The following IFT57 variants were observed in gnomAD, a reference collection of about 807,000 sequenced individuals.
IFT57 encodes intraflagellar transport 57.
IFT57 carries 59 observed loss-of-function variants against 56.8 expected under a neutral mutation model. The observed-to-expected ratio is 1.04, with a 90% CI of 0.84 to 1.29. The LOEUF (loss-of-function observed/expected upper bound fraction) is 1.29, where lower values mean the gene tolerates loss of function less well. Ranked by LOEUF, IFT57 falls within the 50% of genes most tolerant of loss-of-function variation. The pLI is 0.00. For synonymous variants in IFT57, 209 were observed against 186.1 expected, an observed-to-expected ratio of 1.12 and a Z score of -1.00; for missense variants, 470 against 522.1, an observed-to-expected ratio of 0.90 and a Z score of 0.97.
At chr3:108,212,008 G>A (rs1236187124) in intron 4 of IFT57, among the ~76,000 whole-genome samples, 3 of 151,990 alleles carry the variant, frequency 2.0e-5, no homozygotes, top group African/African-American at 7.3e-5. Flanking sequence ...GTAGAGACAG[G>A]GTCTTGCTCT....
At chr3:108,194,543 G>A (rs1309543862) in intron 5 of IFT57, among the ~76,000 whole-genome samples, 1 of 152,084 alleles carries the variant, frequency 6.6e-6, no homozygotes, top group South Asian at 2.1e-4. Context: ...GCAATCCTGA[G>A]CAAAAAGAAC....
intron 6 of IFT57, among the ~76,000 whole-genome samples, chr3:108,184,569 C>T (rs1024518367): frequency 2.0e-5 from 3 of 151,970 alleles, no homozygotes; most frequent in Non-Finnish European, 4.4e-5. Flanking sequence ...TGCACACAAA[C>T]ACAGACTGTA....
chr3:108,221,248 A>G (rs1003990191), intron 1 of IFT57, among the ~76,000 whole-genome samples: 5 of 152,236 alleles, frequency 3.3e-5, no homozygotes, highest in African/African-American at 1.2e-4. Flanking sequence ...AGTACTATAG[A>G]TTCTTAATAC....
chr3:108,206,051 ATAT>A (rs1560122569), intron 5 of IFT57, among the ~76,000 whole-genome samples: 1 of 120,640 alleles, frequency 8.3e-6, no homozygotes, highest in Admixed American at 9.9e-5. Flanking sequence ...TATATATTAT[ATAT>A]TATTTATATA....
intron 5 of IFT57, among the ~76,000 whole-genome samples, chr3:108,192,204 A>C (rs922021160): frequency 6.7e-6 from 1 of 149,368 alleles, no homozygotes; most frequent in Admixed American, 6.7e-5. Context: ...AAAGGGAAAC[A>C]CTTAAATTTA....
At chr3:108,174,839 A>G (rs992075666) in intron 6 of IFT57, among the ~76,000 whole-genome samples, 11 of 151,892 alleles carry the variant, frequency 7.2e-5, no homozygotes, top group African/African-American at 2.7e-4. Flanking sequence ...ATCTAGCTGG[A>G]GCAGAGGTGC....
chr3:108,204,486 C>A (rs142702551), intron 5 of IFT57, among the ~76,000 whole-genome samples: 317 of 152,276 alleles, frequency 2.1e-3, no homozygotes, highest in African/African-American at 6.9e-3. Context: ...TCTCAGTACT[C>A]AAACTACTTT....
At chr3:108,208,865 A>G (rs1312788227) in intron 4 of IFT57, among the ~76,000 whole-genome samples, 1 of 152,224 alleles carries the variant, frequency 6.6e-6, no homozygotes, top group Non-Finnish European at 1.5e-5. Flanking sequence ...AATGGAAGGA[A>G]GAGTATTCTA....
At chr3:108,165,396 CA>C in intron 9 of IFT57, 34 bp downstream of exon 9, 1 of 1,569,878 alleles carries the variant, frequency 6.4e-7, no homozygotes, top group Middle Eastern at 1.7e-4. Flanking sequence ...GCCCAGCTGA[CA>C]GGTGAGAAGC....
chr3:108,213,210 CAG>C (rs2080352564), intron 4 of IFT57, among the ~76,000 whole-genome samples: 2 of 151,992 alleles, frequency 1.3e-5, no homozygotes, highest in Non-Finnish European at 2.9e-5. Flanking sequence ...TTTGGGAGTC[CAG>C]AGTTATATGT....
intron 5 of IFT57, among the ~76,000 whole-genome samples, chr3:108,194,616 A>C (rs777221881): frequency 2.4e-4 from 37 of 152,236 alleles, no homozygotes; most frequent in Non-Finnish European, 5.1e-4. Flanking sequence ...TAACTAAAAC[A>C]GCATGGTTCT....
chr3:108,219,600 C>T (rs550669397), intron 1 of IFT57, 28 bp from the exon 2 acceptor site: 32 of 1,605,578 alleles, frequency 2.0e-5, no homozygotes, highest in South Asian at 5.5e-5. Context: ...GGAATGGGGG[C>T]GGATGTGAAA....
chr3:108,189,077 C>T (rs9816413), intron 6 of IFT57, among the ~76,000 whole-genome samples: 14,637 of 152,050 alleles, frequency 0.096, 764 homozygotes, highest in Middle Eastern at 0.12. Flanking sequence ...TCTGACAAAA[C>T]CAAAAAATCA....
At chr3:108,180,295 C>T (rs1335191923) in intron 6 of IFT57, among the ~76,000 whole-genome samples, 1 of 151,942 alleles carries the variant, frequency 6.6e-6, no homozygotes, top group Non-Finnish European at 1.5e-5. Flanking sequence ...CCACATCGAT[C>T]TTCTGTGTGA....
At position 108,218,648 on chromosome 3, in the gene IFT57, T is replaced by C; in HGVS notation, c.381A>G (p.Arg127=). The change falls in exon 3 of 11, where the codon AGA becomes AGG. Residue 127 remains arginine, a synonymous_variant. Coordinates refer to ENST00000264538, the MANE Select transcript of IFT57 (RefSeq NM_018010.4). ...NILSELRSFG[R]TADFPPSKLK... ...ATTTTGAAGGAGGAAAATCTGCAGT[T>C]CTTCCCTGAAAAACAAAAGAAAAAA... The C allele has an allele frequency of 1.4e-6, 2 of 1,477,260 alleles. No homozygotes were observed. The highest frequency in any genetic ancestry group is 2.5e-5 in the East Asian group (1 of 39,738). The allele number at this position is 1,477,260 out of a possible 1,614,324, so 91.5% of individuals were successfully genotyped here. A position where few individuals can be genotyped will look rare whatever the true frequency, so the allele number is the denominator to read the frequency against.
intron 1 of IFT57, among the ~76,000 whole-genome samples, chr3:108,219,906 T>C (rs1040716232): frequency 1.3e-5 from 2 of 152,228 alleles, no homozygotes; most frequent in Non-Finnish European, 2.9e-5. Flanking sequence ...AAGTACCTTA[T>C]GAATGAAAAT....
chr3:108,164,804 C>G (rs1450480780), intron 9 of IFT57, among the ~76,000 whole-genome samples: 1 of 151,994 alleles, frequency 6.6e-6, no homozygotes, highest in Non-Finnish European at 1.5e-5. Flanking sequence ...TCCAATTATA[C>G]TGGATTGTAA....
chr3:108,197,767 T>C lies in IFT57; in HGVS notation c.655-6124A>G, dbSNP rs1383548227. The stretch of plus-strand genomic sequence containing the variant: ...AGTCACAACAGCATGGTGTAAATGT[T>C]AAGAGGATGGGTCTGGAATCACATC... On this transcript the variant is annotated intron_variant, in intron 5 of 10. Coordinates refer to ENST00000264538, the MANE Select transcript of IFT57 (RefSeq NM_018010.4). Among the ~76,000 whole-genome samples, 11 of 152,118 alleles carry C rather than the reference T, an allele frequency of 7.2e-5. No homozygotes were observed. In the South Asian group the frequency reaches 2.3e-3, roughly 32 times the overall value.
intron 6 of IFT57, among the ~76,000 whole-genome samples, chr3:108,176,030 T>C (rs2108311834): frequency 6.6e-6 from 1 of 151,958 alleles, no homozygotes; most frequent in Non-Finnish European, 1.5e-5. Context: ...CTCTGATGTG[T>C]GTTGAATCAC....
Sources: allele counts gnomAD v4.1 joint callset (sites outside exome capture counted in the v4.1 genomes callset), GRCh38; gene constraint gnomAD v4.1.1; transcripts MANE v1.5; gene names NCBI Gene and HGNC (gene_info 2026-07-23, HGNC 2026-07-21).